The following CEP128 variants were observed in gnomAD, a reference collection of about 807,000 sequenced individuals.
CEP128 encodes the protein centrosomal protein 128.
CEP128 carries 132 observed loss-of-function variants against 156.7 expected under a neutral mutation model. The ratio of observed to expected loss-of-function variants is 0.84; its 90% CI spans 0.73 to 0.97. The LOEUF is 0.97. Among genes scored for constraint, CEP128 ranks in the 50% least tolerant of loss-of-function variants. The pLI is 0.00. For synonymous variants in CEP128, 469 were observed against 448.9 expected, an observed-to-expected ratio of 1.04 and a Z score of -0.57; for missense variants, 1,252 against 1,281.9, an observed-to-expected ratio of 0.98 and a Z score of 0.36.
chr14:80,874,907 C>G (rs188546454), intron 8 of CEP128, among the ~76,000 whole-genome samples: 1 of 152,264 alleles, frequency 6.6e-6, no homozygotes, highest in Non-Finnish European at 1.5e-5. Flanking sequence ...CGTGAGCCAC[C>G]GCGCCTGGCC....
At chr14:80,866,113 A>G (rs1353793038) in intron 8 of CEP128, among the ~76,000 whole-genome samples, 1 of 151,908 alleles carries the variant, frequency 6.6e-6, no homozygotes, top group Non-Finnish European at 1.5e-5. Flanking sequence ...CACCAGGCCC[A>G]CCTCCAGGAA....
At chr14:80,571,221 C>G (rs1163255333) in intron 20 of CEP128, among the ~76,000 whole-genome samples, 1 of 152,186 alleles carries the variant, frequency 6.6e-6, no homozygotes, top group Non-Finnish European at 1.5e-5. Flanking sequence ...AGATTCATCA[C>G]TGAGATCATA....
chr14:80,699,960 T>C (rs1033495749), intron 19 of CEP128, among the ~76,000 whole-genome samples: 3 of 152,130 alleles, frequency 2.0e-5, no homozygotes, highest in African/African-American at 7.2e-5. Context: ...CAACCTCTAC[T>C]ACAGGGACCA....
intron 12 of CEP128, among the ~76,000 whole-genome samples, chr14:80,835,833 G>C (rs915260494): frequency 9.2e-5 from 14 of 152,146 alleles, no homozygotes; most frequent in African/African-American, 3.4e-4. Context: ...TGAGATAAGA[G>C]AATGTGAAAG....
At chr14:80,908,984 TGA>T (rs1262915887) in intron 4 of CEP128, among the ~76,000 whole-genome samples, 1 of 110,254 alleles carries the variant, frequency 9.1e-6, no homozygotes, top group Non-Finnish European at 2.0e-5. Flanking sequence ...AAAGGGTTCC[TGA>T]ACTCCAGCTT....
intron 19 of CEP128, among the ~76,000 whole-genome samples, chr14:80,624,375 T>C (rs555265650): frequency 6.6e-6 from 1 of 152,324 alleles, no homozygotes; most frequent in East Asian, 1.9e-4. Flanking sequence ...TGAATAGAGC[T>C]GAAATAAACA....
At chr14:80,739,189 C>A (rs1796529728) in intron 19 of CEP128, among the ~76,000 whole-genome samples, 1 of 152,116 alleles carries the variant, frequency 6.6e-6, no homozygotes, top group Non-Finnish European at 1.5e-5. Flanking sequence ...CTGCCTACTT[C>A]TAGACTATGT....
At chr14:80,638,636 T>C (rs756681120) in intron 19 of CEP128, among the ~76,000 whole-genome samples, 12 of 152,162 alleles carry the variant, frequency 7.9e-5, no homozygotes, top group Non-Finnish European at 1.6e-4. Flanking sequence ...TACGATGTCT[T>C]TTACCCTTCT....
At chr14:80,563,513 G>A (rs1890777472) in intron 20 of CEP128, among the ~76,000 whole-genome samples, 1 of 143,876 alleles carries the variant, frequency 7.0e-6, no homozygotes, top group African/African-American at 2.6e-5. Context: ...CCTACCCATG[G>A]GCCTCCAAAT....
chr14:80,760,896 G>A (rs950031568), intron 17 of CEP128, among the ~76,000 whole-genome samples: 4 of 152,088 alleles, frequency 2.6e-5, no homozygotes, highest in Admixed American at 6.5e-5. Flanking sequence ...AGGTTCCAGA[G>A]TTAGACTCCA....
chr14:80,786,833 G>A (rs1354912984), intron 14 of CEP128, among the ~76,000 whole-genome samples: 2 of 152,132 alleles, frequency 1.3e-5, no homozygotes, highest in African/African-American at 2.4e-5. Flanking sequence ...AAAGAGCCAG[G>A]CCCAGTGGCA....
chr14:80,943,889 C>T (rs953469278), upstream of CEP128, among the ~76,000 whole-genome samples: 2 of 151,412 alleles, frequency 1.3e-5, no homozygotes, highest in Non-Finnish European at 2.9e-5. Context: ...AGCTATTCGG[C>T]AGGCTGAAGC....
chr14:80,737,817 G>C (rs1898612979), intron 19 of CEP128, among the ~76,000 whole-genome samples: 1 of 151,886 alleles, frequency 6.6e-6, no homozygotes, highest in Admixed American at 6.6e-5. Flanking sequence ...TTGAGCCTGA[G>C]GGGTCAAGGC....
intron 3 of CEP128, among the ~76,000 whole-genome samples, chr14:80,915,181 A>T (rs1313138401): frequency 6.7e-6 from 1 of 148,292 alleles, no homozygotes; most frequent in Admixed American, 6.7e-5. Flanking sequence ...GCCCAGCTAA[A>T]TTTTTTTTTT....
intron 19 of CEP128, among the ~76,000 whole-genome samples, chr14:80,654,342 T>C (rs1457885060): frequency 6.6e-6 from 1 of 152,128 alleles, no homozygotes; most frequent in East Asian, 1.9e-4. Flanking sequence ...GATGAAGGGC[T>C]TGGGAGATAC....
chr14:80,644,551 C>T (rs573319284), intron 19 of CEP128, among the ~76,000 whole-genome samples: 17 of 152,150 alleles, frequency 1.1e-4, no homozygotes, highest in African/African-American at 3.6e-4. Context: ...TTGATTTTCT[C>T]AGAAATTCCA....
chr14:80,859,886 CTTCA>C (rs1172419914), intron 9 of CEP128, among the ~76,000 whole-genome samples: 1 of 152,092 alleles, frequency 6.6e-6, no homozygotes, highest in Non-Finnish European at 1.5e-5. Context: ...TATATTATAC[CTTCA>C]AATCTCTGCA....
At chr14:80,929,005 C>T (rs1885297293) in intron 2 of CEP128, among the ~76,000 whole-genome samples, 2 of 151,496 alleles carry the variant, frequency 1.3e-5, no homozygotes, top group Non-Finnish European at 1.5e-5. Context: ...CCAGAATCTA[C>T]AAGGAACTCA....
chr14:80,535,539 G>T (rs1477616519), intron 21 of CEP128, among the ~76,000 whole-genome samples: 1 of 152,212 alleles, frequency 6.6e-6, no homozygotes, highest in Non-Finnish European at 1.5e-5. Flanking sequence ...TCTCACTGGT[G>T]CTAAAGAGTC....
Sources: gnomAD v4.1 joint callset for allele counts (sites outside exome capture counted in the v4.1 genomes callset) on GRCh38, gnomAD v4.1.1 for gene constraint, MANE v1.5 for transcripts, NCBI Gene and HGNC (gene_info 2026-07-23, HGNC 2026-07-21) for gene names.